GALNT13: variants seen among roughly 807,000 people sequenced by gnomAD.
GALNT13 encodes the protein polypeptide N-acetylgalactosaminyltransferase 13.
Under a neutral mutation model 64.2 loss-of-function variants are expected in GALNT13, and 28 were observed. The ratio of observed to expected loss-of-function variants is 0.44; its 90% confidence interval spans 0.32 to 0.60. GALNT13 has a LOEUF of 0.60. Ranked by LOEUF, GALNT13 falls within the 20% of genes least tolerant of loss-of-function variation. The pLI, the probability that GALNT13 is intolerant of heterozygous loss-of-function variation, is 0.05. For missense variants in GALNT13, 577 were observed against 669.8 expected, an observed-to-expected ratio of 0.86 and a Z score of 1.53; for synonymous variants, 214 against 224.6, an observed-to-expected ratio of 0.95 and a Z score of 0.42.
intron 9 of GALNT13, among the ~76,000 whole-genome samples, chr2:154,315,863 C>T (rs190992024): frequency 6.6e-6 from 1 of 152,164 alleles, no homozygotes; most frequent in Admixed American, 6.5e-5. Flanking sequence ...ATGTATCAAA[C>T]CGGATCACAA....
chr2:154,280,623 C>T (rs1158978535), intron 8 of GALNT13, among the ~76,000 whole-genome samples: 1 of 152,092 alleles, frequency 6.6e-6, no homozygotes, highest in Non-Finnish European at 1.5e-5. Context: ...TTTTCTTTTC[C>T]ACTCAAGTTC....
intron 3 of GALNT13, among the ~76,000 whole-genome samples, chr2:153,951,381 A>G (rs1692172122): frequency 6.6e-6 from 1 of 152,198 alleles, no homozygotes; most frequent in Non-Finnish European, 1.5e-5. Context: ...TATTCTTTCC[A>G]GGAGGTCTGG....
At chr2:153,705,395 T>TA in the GALNT13 span, among the ~76,000 whole-genome samples, 1,073 of 136,926 alleles carry the variant, frequency 7.8e-3, 7 homozygotes, top group African/African-American at 9.6e-3. Flanking sequence ...GTACCACTGT[T>TA]AAAAAAAAAA....
At chr2:154,146,530 A>G (rs1158365955) in intron 4 of GALNT13, among the ~76,000 whole-genome samples, 1 of 152,100 alleles carries the variant, frequency 6.6e-6, no homozygotes, top group Non-Finnish European at 1.5e-5. Flanking sequence ...GGACATCAGA[A>G]TATGCTACCC....
At chr2:153,537,531 CT>C in the GALNT13 span, among the ~76,000 whole-genome samples, 1 of 152,130 alleles carries the variant, frequency 6.6e-6, no homozygotes, top group African/African-American at 2.4e-5. Flanking sequence ...TCAGAAAGTA[CT>C]ACAAATTAAG....
the GALNT13 span, among the ~76,000 whole-genome samples, chr2:153,165,718 G>A: frequency 2.0e-5 from 3 of 152,084 alleles, no homozygotes; most frequent in Middle Eastern, 3.2e-3. Flanking sequence ...GACACACATC[G>A]TCTGTGACTA....
the GALNT13 span, among the ~76,000 whole-genome samples, chr2:153,487,144 G>A: frequency 6.6e-6 from 1 of 152,166 alleles, no homozygotes; most frequent in Admixed American, 6.5e-5. Context: ...ACAATACCAT[G>A]TTCAATTTAG....
At chr2:153,840,934 G>A in the GALNT13 span, among the ~76,000 whole-genome samples, 2 of 151,702 alleles carry the variant, frequency 1.3e-5, no homozygotes, top group African/African-American at 4.9e-5. Context: ...TATTTCTCAG[G>A]CCTTTTTTGG....
intron 8 of GALNT13, among the ~76,000 whole-genome samples, chr2:154,277,500 C>T (rs766968233): frequency 6.6e-6 from 1 of 152,116 alleles, no homozygotes; most frequent in Non-Finnish European, 1.5e-5. Context: ...AATCGTTTTA[C>T]TGTTGTTCTA....
chr2:153,604,233 C>G, the GALNT13 span, among the ~76,000 whole-genome samples: 2 of 151,936 alleles, frequency 1.3e-5, no homozygotes, highest in Non-Finnish European at 2.9e-5. Flanking sequence ...TGGTTGATAC[C>G]AAGGGTCGTA....
At chr2:153,948,821 G>A (rs1029948505) in intron 3 of GALNT13, among the ~76,000 whole-genome samples, 6 of 151,910 alleles carry the variant, frequency 3.9e-5, no homozygotes, top group Non-Finnish European at 5.9e-5. Flanking sequence ...ACATGGACAC[G>A]TAGACAGGAA....
At chr2:153,750,041 G>A in the GALNT13 span, among the ~76,000 whole-genome samples, 1,190 of 151,852 alleles carry the variant, frequency 7.8e-3, 14 homozygotes, top group African/African-American at 0.027. Flanking sequence ...ATCATGAAAG[G>A]AAGTTGAATT....
the GALNT13 span, among the ~76,000 whole-genome samples, chr2:153,730,707 A>G: frequency 6.6e-6 from 1 of 151,904 alleles, no homozygotes; most frequent in African/African-American, 2.4e-5. Context: ...AGAAGAAAAA[A>G]AAATAAGCCC....
At chr2:154,146,397 T>G (rs1364300025) in intron 4 of GALNT13, among the ~76,000 whole-genome samples, 1 of 152,022 alleles carries the variant, frequency 6.6e-6, no homozygotes, top group Non-Finnish European at 1.5e-5. Flanking sequence ...AGTTTCATTA[T>G]GTAATTTAAT....
the GALNT13 span, among the ~76,000 whole-genome samples, chr2:153,518,809 A>G: frequency 0.01 from 1,580 of 152,188 alleles, 23 homozygotes; most frequent in African/African-American, 0.035. Flanking sequence ...TTTTCTTATC[A>G]GTCCCAGAGA....
chr2:153,257,327 C>G, the GALNT13 span, among the ~76,000 whole-genome samples: 1 of 152,060 alleles, frequency 6.6e-6, no homozygotes, highest in African/African-American at 2.4e-5. Flanking sequence ...ACGGTGCGCG[C>G]ACCCACTGAC....
At chr2:154,191,898 C>G (rs1686604936) in intron 4 of GALNT13, among the ~76,000 whole-genome samples, 1 of 152,202 alleles carries the variant, frequency 6.6e-6, no homozygotes, top group Non-Finnish European at 1.5e-5. Flanking sequence ...CCCCGCCTTA[C>G]AGCAAGCACA....
the GALNT13 span, among the ~76,000 whole-genome samples, chr2:153,525,046 G>A: frequency 1.3e-5 from 2 of 152,086 alleles, no homozygotes; most frequent in Non-Finnish European, 1.5e-5. Context: ...TTGCATTCTG[G>A]ATACCAGATC....
At chr2:154,167,075 A>G (rs1297013033) in intron 4 of GALNT13, among the ~76,000 whole-genome samples, 1 of 152,162 alleles carries the variant, frequency 6.6e-6, no homozygotes, top group Non-Finnish European at 1.5e-5. Flanking sequence ...ATGTATACAT[A>G]TGTAACAAAC....
Sources: allele counts gnomAD v4.1 joint callset (sites outside exome capture counted in the v4.1 genomes callset), GRCh38; gene constraint gnomAD v4.1.1; transcripts MANE v1.5; gene names NCBI Gene and HGNC (gene_info 2026-07-23, HGNC 2026-07-21).